The following C10orf67 variants were observed in gnomAD, a reference collection of about 807,000 sequenced individuals.
C10orf67 encodes chromosome 10 open reading frame 67, also known as uncharacterized protein C10orf67, mitochondrial.
Under a neutral mutation model 35.6 loss-of-function variants are expected in C10orf67, and 60 were observed. The observed-to-expected ratio is 1.68, with a 90% CI of 1.37 to 2.09. The LOEUF is 2.09. C10orf67 is among the 30% of genes most tolerant of loss of function. C10orf67 has a pLI of 0.00. For synonymous variants in C10orf67, 167 were observed against 115.8 expected (o/e 1.44, Z -2.84); for missense variants, 474 against 330.2 (o/e 1.44, Z -3.38).
chr10:23,314,483 AAC>A (rs56043614), intron 4 of C10orf67, among the ~76,000 whole-genome samples: 41,551 of 135,400 alleles, frequency 0.31, 6,413 homozygotes, highest in Non-Finnish European at 0.38. Context: ...ATTAAGTTAA[AAC>A]ACACACACAC....
At chr10:23,245,665 T>A (rs1842298375) in intron 12 of C10orf67, among the ~76,000 whole-genome samples, 1 of 152,122 alleles carries the variant, frequency 6.6e-6, no homozygotes, top group Non-Finnish European at 1.5e-5. Context: ...ATCACCTCAC[T>A]CTTGTTAGAA....
chr10:23,265,352 T>G (rs1235295020), intron 10 of C10orf67, among the ~76,000 whole-genome samples: 1 of 152,238 alleles, frequency 6.6e-6, no homozygotes, highest in Non-Finnish European at 1.5e-5. Context: ...CACTCCTCCA[T>G]GCTCTAAGTG....
rs759586587 is a variant in C10orf67 at position 23,344,745 on chromosome 10, A to G, written c.30T>C (p.His10=). The G allele has an allele frequency of 1.3e-6, 2 of 1,570,446 alleles. No homozygotes were observed. The highest frequency in any genetic ancestry group is 2.4e-5 in the South Asian group (2 of 85,104). Residue 10 remains histidine (H), a synonymous_variant, in exon 1 of 16, where the codon CAT becomes CAC. Transcript: ENST00000636213. ...ATCTAATAACTATGCTCATGACATA[A>G]TGAGCCCTGCGATCCCGGACCAAGG... The part of the protein sequence containing the change: MALVRDRRA[H]YVMSIVIRWV...
At chr10:23,271,875 T>A (rs944081112) in intron 8 of C10orf67, among the ~76,000 whole-genome samples, 7 of 152,216 alleles carry the variant, frequency 4.6e-5, no homozygotes, top group African/African-American at 1.4e-4. Context: ...GTTTGTTTTT[T>A]CATTAAAAAA....
intron 12 of C10orf67, among the ~76,000 whole-genome samples, chr10:23,250,236 A>G (rs1421404852): frequency 1.3e-5 from 2 of 152,240 alleles, no homozygotes; most frequent in South Asian, 2.1e-4. Context: ...CTGATCTTTT[A>G]TAACAGAAAC....
intron 5 of C10orf67, among the ~76,000 whole-genome samples, chr10:23,294,762 T>A (rs1302830915): frequency 1.3e-5 from 2 of 152,204 alleles, no homozygotes; most frequent in African/African-American, 2.4e-5. Flanking sequence ...TACTTTGAAA[T>A]TTTTAATTGT....
intron 3 of C10orf67, 24 bp from the exon 4 acceptor site, chr10:23,320,839 A>T (rs779572122): frequency 4.5e-5 from 68 of 1,499,126 alleles, no homozygotes; most frequent in Middle Eastern, 1.7e-4. Context: ...TAAATGCAAT[A>T]AGCACCATAA....
At chr10:23,244,777 A>G (rs931892029) in intron 12 of C10orf67, among the ~76,000 whole-genome samples, 1 of 152,212 alleles carries the variant, frequency 6.6e-6, no homozygotes, top group African/African-American at 2.4e-5. Context: ...ATACTACCCA[A>G]AGTAATCTAC....
intron 13 of C10orf67, among the ~76,000 whole-genome samples, chr10:23,227,077 C>A (rs995786071): frequency 6.6e-6 from 1 of 152,194 alleles, no homozygotes; most frequent in African/African-American, 2.4e-5. Flanking sequence ...GGAATCCTCC[C>A]TAACTCATTT....
chr10:23,229,451 G>A (rs909048671), intron 13 of C10orf67, among the ~76,000 whole-genome samples: 1 of 102,786 alleles, frequency 9.7e-6, no homozygotes, highest in Middle Eastern at 8.8e-3. Context: ...GGGGAGGGGG[G>A]AGGGATAGCA....
At chr10:23,281,777 G>A (rs996409454) in intron 8 of C10orf67, among the ~76,000 whole-genome samples, 4 of 151,932 alleles carry the variant, frequency 2.6e-5, no homozygotes, top group Admixed American at 2.6e-4. Flanking sequence ...GTTTTAAATG[G>A]TAATACTATT....
At chr10:23,286,194 C>G (rs1369134561) in intron 7 of C10orf67, among the ~76,000 whole-genome samples, 1 of 151,030 alleles carries the variant, frequency 6.6e-6, no homozygotes, top group Non-Finnish European at 1.5e-5. Context: ...GAGTTTGAGA[C>G]CAGCCTGGGC....
At chr10:23,299,290 G>C (rs1843994360) in intron 5 of C10orf67, among the ~76,000 whole-genome samples, 1 of 152,154 alleles carries the variant, frequency 6.6e-6, no homozygotes, top group African/African-American at 2.4e-5. Context: ...ATCTTTTGGA[G>C]TCCTTGTTGG....
In C10orf67 at chr10:23,215,573, G is replaced by A. The variant is rs535972653; in HGVS notation, c.1570+8025C>T. Among the ~76,000 whole-genome samples the A allele has an allele frequency of 6.0e-4, 91 of 152,080 alleles. 2 individuals carry two copies. The South Asian group carries it at 0.011, about 18-fold the overall frequency. Reference sequence around the variant, plus strand: ...TCCCAAAGTGTAAGCCACCATGCCCGGCTGAGATATCTATTATATACTAAC... The same window carrying A: ...TCCCAAAGTGTAAGCCACCATGCCCAGCTGAGATATCTATTATATACTAAC... On this transcript the variant is annotated intron_variant, in intron 15 of 15. Transcript: ENST00000636213.
chr10:23,232,075 G>A (rs553137594), intron 13 of C10orf67, among the ~76,000 whole-genome samples: 1 of 152,250 alleles, frequency 6.6e-6, no homozygotes, highest in African/African-American at 2.4e-5. Flanking sequence ...GCAATTGGTG[G>A]GCTTCTGGGG....
chr10:23,292,396 A>C (rs951288305), intron 5 of C10orf67, among the ~76,000 whole-genome samples: 1 of 152,132 alleles, frequency 6.6e-6, no homozygotes, highest in Admixed American at 6.5e-5. Context: ...AAGATTCTAC[A>C]TGCCTTGTTC....
chr10:23,303,715 G>A (rs1844174862), intron 4 of C10orf67, among the ~76,000 whole-genome samples: 1 of 152,180 alleles, frequency 6.6e-6, no homozygotes. Flanking sequence ...CACAAAGCAT[G>A]GTCAGTTACT....
At position 23,303,310 on chromosome 10, in the gene C10orf67, G is replaced by T; in HGVS notation, c.696C>A (p.His232Gln). 1 of 547,750 alleles carries T rather than the reference G, an allele frequency of 1.8e-6. No individual in the cohort carries two copies. The highest frequency in any genetic ancestry group is 2.9e-5 in the South Asian group (1 of 34,740). The allele number at this position is 547,750 out of a possible 1,614,324, so 33.9% of individuals were successfully genotyped here. Residue 232 changes from histidine (H) to glutamine (Q), a missense_variant, in exon 5 of 16, where the codon CAC (histidine) becomes CAA (glutamine). By Grantham distance (24) the His-to-Gln change is conservative. Transcript: ENST00000636213. Reference sequence around the variant, plus strand: ...TCCTTGCCTTGAAACTTACCATTTTGTGAAATCCAAAATCTTTATATTGGT... The same window carrying T: ...TCCTTGCCTTGAAACTTACCATTTTTTGAAATCCAAAATCTTTATATTGGT... The part of the protein sequence containing the change: ...ELDQYKDFGF[H>Q]KMESFAKETS...
chr10:23,277,062 A>G (rs1419597413), intron 8 of C10orf67, among the ~76,000 whole-genome samples: 1 of 152,102 alleles, frequency 6.6e-6, no homozygotes, highest in East Asian at 1.9e-4. Context: ...AGGTGCCCCA[A>G]ACCTTAGGGG....
Sources: allele counts gnomAD v4.1 joint callset (sites outside exome capture counted in the v4.1 genomes callset), GRCh38; gene constraint gnomAD v4.1.1; transcripts MANE v1.5; gene names NCBI Gene and HGNC (gene_info 2026-07-23, HGNC 2026-07-21).